The following NECTIN3 variants were observed in gnomAD, a reference collection of about 807,000 sequenced individuals.
NECTIN3 encodes the protein nectin cell adhesion molecule 3.
NECTIN3 carries 8 observed loss-of-function variants against 49.4 expected under a neutral mutation model. The observed-to-expected ratio is 0.16, with a 90% CI of 0.10 to 0.29. The LOEUF (loss-of-function observed/expected upper bound fraction) is 0.29. Ranked by LOEUF, NECTIN3 falls within the 10% of genes least tolerant of loss-of-function variation. The pLI is 1.00. For missense variants in NECTIN3, 581 were observed against 654.6 expected (o/e 0.89, Z 1.23); for synonymous variants, 277 against 241.1 (o/e 1.15, Z -1.38).
At chr3:111,162,843 C>T (rs1390124210) in intron 7 of NECTIN3, among the ~76,000 whole-genome samples, 2 of 152,154 alleles carry the variant, frequency 1.3e-5, no homozygotes, top group Non-Finnish European at 2.9e-5. Flanking sequence ...AACATCTGCC[C>T]GTAGCCTGGC....
At chr3:111,099,093 G>A (rs531915565) in intron 1 of NECTIN3, among the ~76,000 whole-genome samples, 1 of 152,066 alleles carries the variant, frequency 6.6e-6, no homozygotes, top group East Asian at 1.9e-4. Flanking sequence ...TTCCTTTAGT[G>A]CCTTTACCCT....
chr3:111,175,477 GT>G (rs1282454934), intron 7 of NECTIN3, among the ~76,000 whole-genome samples: 2 of 151,916 alleles, frequency 1.3e-5, no homozygotes, highest in Admixed American at 1.3e-4. Context: ...TCGCTTTGTT[GT>G]TTAACTGTTT....
At chr3:111,072,820 C>A in intron 1 of NECTIN3, 1 of 423,940 alleles carries the variant, frequency 2.4e-6, no homozygotes, top group Non-Finnish European at 4.2e-6. Context: ...CTTATTTTAC[C>A]AAACCGCAGG....
intron 1 of NECTIN3, among the ~76,000 whole-genome samples, chr3:111,099,069 G>A (rs2032754924): frequency 6.6e-6 from 1 of 152,058 alleles, no homozygotes; most frequent in African/African-American, 2.4e-5. Flanking sequence ...CTGTGAGCCT[G>A]TTTGCTTTTG....
rs1449318711 is a variant in NECTIN3, at chr3:111,136,335, T to A, written c.*2120T>A. The A allele has an allele frequency of 1.0e-6, 1 of 983,058 alleles. No homozygotes were observed. The highest frequency in any genetic ancestry group is 1.7e-5 in the African/African-American group (1 of 57,148). The allele number at this position is 983,058 out of a possible 1,614,324, so 60.9% of individuals were successfully genotyped here. ...TATGAACTTCCTTTTACATTGTGGT[T>A]ATTTGTGCGATTAGGTTTTTTTGTT... On this transcript the variant is annotated 3_prime_UTR_variant, in exon 6 of 6. Transcript: ENST00000485303.
In NECTIN3 at chr3:111,134,384, GTATC is replaced by G; in HGVS notation, c.*172_*175del. 2 of 1,364,836 alleles carry G rather than the reference GTATC, an allele frequency of 1.5e-6. No individual in the cohort carries two copies. The highest frequency in any genetic ancestry group is 5.5e-5 in the East Asian group (2 of 36,224). The allele number at this position is 1,364,836 out of a possible 1,614,324, so 84.5% of individuals were successfully genotyped here. ...TGAAAATGTAAAATCTGAGTTCAGT[GTATC>G]TAAGCTGCTTTACAATTTTTTTTCA... On this transcript the variant is annotated 3_prime_UTR_variant, in exon 6 of 6. Coordinates refer to ENST00000485303, the MANE Select transcript of NECTIN3 (RefSeq NM_015480.3).
At chr3:111,159,591 A>T (rs1441361673) in intron 7 of NECTIN3, among the ~76,000 whole-genome samples, 1 of 152,204 alleles carries the variant, frequency 6.6e-6, no homozygotes, top group Non-Finnish European at 1.5e-5. Context: ...AGTGTGAGTC[A>T]TTGACCTGGA....
upstream of NECTIN3, among the ~76,000 whole-genome samples, chr3:111,190,461 C>A (rs1459216337): frequency 6.6e-6 from 1 of 152,276 alleles, no homozygotes; most frequent in African/African-American, 2.4e-5. Context: ...TAACAAAACA[C>A]CGTAAACTAG....
At chr3:111,102,654 G>A (rs958325601) in intron 1 of NECTIN3, among the ~76,000 whole-genome samples, 4 of 152,140 alleles carry the variant, frequency 2.6e-5, no homozygotes, top group Admixed American at 6.5e-5. Context: ...TTTAAATGAA[G>A]CCTAGCTTAT....
intron 1 of NECTIN3, among the ~76,000 whole-genome samples, chr3:111,110,530 A>C (rs1175728970): frequency 9.4e-5 from 6 of 63,998 alleles, no homozygotes; most frequent in South Asian, 1.8e-3. Context: ...TTCATAATAA[A>C]TGAAATTTTT....
intron 7 of NECTIN3, among the ~76,000 whole-genome samples, chr3:111,174,744 G>A (rs554792901): frequency 2.0e-5 from 3 of 150,278 alleles, no homozygotes; most frequent in East Asian, 2.0e-4. Flanking sequence ...GGGGTGGGGC[G>A]AGCATGCAGA....
intron 7 of NECTIN3, among the ~76,000 whole-genome samples, chr3:111,168,216 G>T (rs1040923664): frequency 6.6e-6 from 1 of 152,148 alleles, no homozygotes; most frequent in African/African-American, 2.4e-5. Context: ...GGAGAAGATA[G>T]AGTCATTAAT....
At position 111,173,500 on chromosome 3, in the gene NECTIN3, C is replaced by T. The variant is rs1452810939; in HGVS notation, c.1222-18851C>T. Among the ~76,000 whole-genome samples, 4 of 152,334 alleles carry T rather than the reference C, an allele frequency of 2.6e-5. No individual in the cohort carries two copies. The East Asian group carries it at 7.7e-4, about 29-fold the overall frequency. On this transcript the variant is annotated intron_variant, in intron 7 of 8. Transcript: ENST00000493615. Reference sequence around the variant, plus strand: ...ATGTCTGTAATATGAGCTGCTCACTCACCACCCAGGGAATTTACAGTCTTT... The same window carrying T: ...ATGTCTGTAATATGAGCTGCTCACTTACCACCCAGGGAATTTACAGTCTTT...
chr3:111,143,686 T>C (rs1211846257), intron 5 of NECTIN3, among the ~76,000 whole-genome samples: 1 of 151,968 alleles, frequency 6.6e-6, no homozygotes, highest in Non-Finnish European at 1.5e-5. Flanking sequence ...GTGAAGATTA[T>C]GTCAATTTAA....
In NECTIN3 at chr3:111,178,252, A is replaced by G. The variant is rs374854626; in HGVS notation, c.1222-14099A>G. On this transcript the variant is annotated intron_variant, in intron 7 of 8. Transcript: ENST00000493615. ...AAAATATCCAATATTCTATCTTGCA[A>G]ATAAACCTCATGATAGCAGCCTGTA... Among the ~76,000 whole-genome samples the G allele has an allele frequency of 2.2e-4, 33 of 152,322 alleles. No homozygotes were observed. The East Asian group carries it at 5.8e-3, about 27-fold the overall frequency.
intron 2 of NECTIN3, among the ~76,000 whole-genome samples, chr3:111,112,686 C>G (rs1284567008): frequency 6.6e-6 from 1 of 152,018 alleles, no homozygotes; most frequent in East Asian, 1.9e-4. Context: ...TACCTCCCCT[C>G]AAATTTTCAG....
At chr3:111,132,933 G>C (rs928255542) in intron 5 of NECTIN3, among the ~76,000 whole-genome samples, 1 of 151,682 alleles carries the variant, frequency 6.6e-6, no homozygotes. Context: ...TAGCCTATCA[G>C]GCTAACATAA....
intron 1 of NECTIN3, among the ~76,000 whole-genome samples, chr3:111,097,322 C>G (rs1265384007): frequency 6.6e-6 from 1 of 152,146 alleles, no homozygotes; most frequent in Non-Finnish European, 1.5e-5. Flanking sequence ...TAGGAAGTAA[C>G]TAACTTGCTT....
At chr3:111,104,791 G>C (rs527589396) in intron 1 of NECTIN3, among the ~76,000 whole-genome samples, 2 of 152,154 alleles carry the variant, frequency 1.3e-5, no homozygotes, top group South Asian at 4.1e-4. Context: ...TTATTTTGAT[G>C]AAGACAACTC....
Sources: gnomAD v4.1 joint callset for allele counts (sites outside exome capture counted in the v4.1 genomes callset) on GRCh38, gnomAD v4.1.1 for gene constraint, MANE v1.5 for transcripts, NCBI Gene and HGNC (gene_info 2026-07-23, HGNC 2026-07-21) for gene names.